ZNF670: variants seen among roughly 807,000 people sequenced by gnomAD.
ZNF670 encodes the protein zinc finger protein 670.
In ZNF670, 7 loss-of-function variants were observed where a neutral mutation model predicts 10.9. That is an observed-to-expected ratio of 0.64 (90% CI 0.36 to 1.20). The LOEUF is 1.20. ZNF670 is among the 50% of genes most tolerant of loss of function. The pLI, the probability that ZNF670 is intolerant of heterozygous loss-of-function variation, is 0.02. For missense variants in ZNF670, 446 were observed against 458.6 expected, an observed-to-expected ratio of 0.97 and a Z score of 0.25; for synonymous variants, 136 against 152.7, an observed-to-expected ratio of 0.89 and a Z score of 0.81.
At chr1:247,065,464 C>T (rs936052106) in intron 1 of ZNF670, among the ~76,000 whole-genome samples, 4 of 128,800 alleles carry the variant, frequency 3.1e-5, no homozygotes, top group African/African-American at 1.1e-4. Context: ...ATAAAGCCTC[C>T]GAAAAAAGAA....
At chr1:247,073,754 T>C (rs775594404) in intron 1 of ZNF670, among the ~76,000 whole-genome samples, 1 of 152,186 alleles carries the variant, frequency 6.6e-6, no homozygotes, top group Non-Finnish European at 1.5e-5. Flanking sequence ...ACAGATCAGT[T>C]CCACAACACT....
intron 1 of ZNF670, among the ~76,000 whole-genome samples, chr1:247,044,233 A>C (rs1670386452): frequency 6.6e-6 from 1 of 152,156 alleles, no homozygotes; most frequent in African/African-American, 2.4e-5. Context: ...AGGAGCAATA[A>C]AAGGAGAAAT....
chr1:247,055,430 T>C (rs548755340), intron 1 of ZNF670, among the ~76,000 whole-genome samples: 3 of 152,358 alleles, frequency 2.0e-5, no homozygotes, highest in Non-Finnish European at 2.9e-5. Flanking sequence ...CTTCCCTTCC[T>C]GGTCCATAAA....
chr1:247,063,570 G>A (rs1352770123), intron 1 of ZNF670, among the ~76,000 whole-genome samples: 10 of 113,866 alleles, frequency 8.8e-5, no homozygotes, highest in Admixed American at 1.9e-4. Context: ...GCGACAGAGC[G>A]AGACACCAAA....
rs547830563 is a variant in ZNF670, at chr1:247,058,504, A to G, written c.4-18967T>C. 6.1e-4 allele frequency among the ~76,000 whole-genome samples: 93 copies of G among 152,302 alleles called. 1 individual carries two copies. The highest frequency in any genetic ancestry group is 3.4e-3 in the Middle Eastern group (1 of 294). On this transcript the variant is annotated intron_variant, in intron 1 of 3. Transcript: ENST00000366503. ...GAAGATAAACCTAAGTCAAGCTCAG[A>G]CAAGCAACACTGATAGAAAACATCA...
chr1:247,038,195 G>A lies in ZNF670; in HGVS notation c.424C>T (p.His142Tyr), dbSNP rs1670210736. 6.2e-7 allele frequency: 1 copy of A among 1,614,166 alleles called. No homozygotes were observed. The highest frequency in any genetic ancestry group is 8.5e-7 in the Non-Finnish European group (1 of 1,180,024). Residue 142 changes from histidine to tyrosine, a missense_variant, in exon 4 of 4, where the codon CAT becomes TAT. His to Tyr is a moderately conservative substitution (Grantham distance 83). Transcript: ENST00000366503. ...AAGGCTTTCCCACATTGTTTGCAATGATATAACTTCTCTGGACATTCCTCA... is the reference window on the plus strand; with the variant it reads ...AAGGCTTTCCCACATTGTTTGCAATAATATAACTTCTCTGGACATTCCTCA... The part of the protein sequence containing the change: ...ECEECPEKLY[H>Y]CKQCGKAFIS...
chr1:247,050,710 G>A (rs891125627), intron 1 of ZNF670, among the ~76,000 whole-genome samples: 12 of 151,870 alleles, frequency 7.9e-5, no homozygotes, highest in Non-Finnish European at 7.4e-5. Context: ...TCCTGACCTC[G>A]TGATCTGCCC....
intron 1 of ZNF670, among the ~76,000 whole-genome samples, chr1:247,067,874 C>T (rs1425028392): frequency 1.4e-5 from 2 of 143,168 alleles, no homozygotes; most frequent in East Asian, 4.1e-4. Flanking sequence ...AAAGCTCCAG[C>T]ACAGCAAAGG....
At chr1:247,072,221 G>A (rs980456940) in intron 1 of ZNF670, among the ~76,000 whole-genome samples, 1 of 151,522 alleles carries the variant, frequency 6.6e-6, no homozygotes, top group East Asian at 2.0e-4. Context: ...TGCAATTACA[G>A]CTCACTGCAG....
Position 247,052,379 on chromosome 1 carries a change from T to C in ZNF670, c.4-12842A>G, listed in dbSNP as rs182373856. Among the ~76,000 whole-genome samples, 14 of 152,106 alleles carry C rather than the reference T, an allele frequency of 9.2e-5. No individual in the cohort carries two copies. In the South Asian group the frequency reaches 1.5e-3, roughly 16 times the overall value. ...TGGCTCTTCTAGGTCAAGCCACCCA[T>C]TGGAGGTGCTGGACTCTGGGCTGGT... On this transcript the variant is annotated intron_variant, in intron 1 of 3. Coordinates refer to ENST00000366503, the MANE Select transcript of ZNF670 (RefSeq NM_033213.5).
rs1393307823 is a variant in ZNF670, at chr1:247,078,620, T to C, written c.-24A>G. On this transcript the variant is annotated 5_prime_UTR_variant, in exon 1 of 4. Transcript: ENST00000366503. ...ATTTCCCAGTCTCCGGTGTCTGGGG[T>C]CCTCCCTAAGGACCTTCCGGGACCT... 17 of 1,612,360 alleles carry C rather than the reference T, an allele frequency of 1.1e-5. No individual in the cohort carries two copies. The highest frequency in any genetic ancestry group is 1.4e-5 in the Non-Finnish European group (17 of 1,179,410).
intron 1 of ZNF670, among the ~76,000 whole-genome samples, chr1:247,063,971 G>T (rs947556726): frequency 1.3e-5 from 2 of 152,188 alleles, no homozygotes; most frequent in Non-Finnish European, 1.5e-5. Flanking sequence ...GGGCACTAAG[G>T]TCTGAGCTGC....
At chr1:247,055,493 T>C (rs1670694055) in intron 1 of ZNF670, among the ~76,000 whole-genome samples, 1 of 152,216 alleles carries the variant, frequency 6.6e-6, no homozygotes, top group Non-Finnish European at 1.5e-5. Context: ...CCTTCTCTGC[T>C]GCAGAGAGCT....
At chr1:247,040,191 C>A (rs778767398) in intron 1 of ZNF670, among the ~76,000 whole-genome samples, 1 of 152,108 alleles carries the variant, frequency 6.6e-6, no homozygotes, top group Non-Finnish European at 1.5e-5. Context: ...TATGCTGTTA[C>A]AACTTGTTAA....
intron 1 of ZNF670, chr1:247,043,836 TGAACTGGATGCCA>T (rs1670376333): frequency 1.4e-5 from 5 of 347,852 alleles, no homozygotes; most frequent in African/African-American, 4.3e-5. Flanking sequence ...TCATCTGCCA[TGAACTGGATGCCA>T]TTTCCACTAA....
At chr1:247,045,590 G>C (rs765820575) in intron 1 of ZNF670, among the ~76,000 whole-genome samples, 53 of 152,054 alleles carry the variant, frequency 3.5e-4, no homozygotes, top group Middle Eastern at 3.2e-3. Flanking sequence ...GCAGAACCGT[G>C]AGTCAAATAA....
intron 1 of ZNF670, among the ~76,000 whole-genome samples, chr1:247,063,287 C>T (rs940889449): frequency 2.6e-5 from 4 of 151,960 alleles, no homozygotes; most frequent in African/African-American, 9.7e-5. Context: ...GAAAAGGAAA[C>T]TGAAGGCCAG....
In ZNF670 at chr1:247,036,658, C is replaced by A. The variant is rs1670157603; in HGVS notation, c.*791G>T. The A allele has an allele frequency of 6.6e-6, 1 of 151,940 alleles. No individual in the cohort carries two copies. The highest frequency in any genetic ancestry group is 2.1e-4 in the South Asian group (1 of 4,816). 9.4% of individuals were successfully genotyped at this position (151,940 alleles called of 1,614,324 possible). On this transcript the variant is annotated 3_prime_UTR_variant, in exon 4 of 4. Coordinates refer to ENST00000366503, the MANE Select transcript of ZNF670 (RefSeq NM_033213.5). ...TTCAGCCTAGCTGACAAAGTGAGAC[C>A]CTCTCTAAAAACATAACATTTTTTA... is the stretch of plus-strand genomic sequence containing the variant.
intron 1 of ZNF670, among the ~76,000 whole-genome samples, chr1:247,040,675 A>T (rs1348346803): frequency 2.0e-5 from 3 of 152,120 alleles, no homozygotes; most frequent in African/African-American, 7.2e-5. Context: ...GCAGGAATTT[A>T]TTTTTATTTT....
Sources: gnomAD v4.1 joint callset for allele counts (sites outside exome capture counted in the v4.1 genomes callset) on GRCh38, gnomAD v4.1.1 for gene constraint, MANE v1.5 for transcripts, NCBI Gene and HGNC (gene_info 2026-07-23, HGNC 2026-07-21) for gene names.